The following MACROD2 variants were observed in gnomAD, a reference collection of about 807,000 sequenced individuals.
MACROD2 encodes ADP-ribose glycohydrolase MACROD2.
Under a neutral mutation model 70.4 loss-of-function variants are expected in MACROD2, and 36 were observed. The observed-to-expected ratio is 0.51, with a 90% CI of 0.39 to 0.68. The LOEUF is 0.68. Among genes scored for constraint, MACROD2 ranks in the 30% least tolerant of loss-of-function variants. The pLI is 0.00. For missense variants in MACROD2, 496 were observed against 538.4 expected (o/e 0.92, Z 0.78); for synonymous variants, 172 against 178.8 (o/e 0.96, Z 0.30).
At chr20:14,743,609 G>C (rs2123723564) in intron 5 of MACROD2, among the ~76,000 whole-genome samples, 1 of 152,284 alleles carries the variant, frequency 6.6e-6, no homozygotes, top group South Asian at 2.1e-4. Flanking sequence ...ATGTCATACA[G>C]AACACCAAAA....
intron 4 of MACROD2, among the ~76,000 whole-genome samples, chr20:14,557,108 G>A (rs899393992): frequency 6.6e-6 from 1 of 151,932 alleles, no homozygotes; most frequent in Non-Finnish European, 1.5e-5. Context: ...AGAGTGCCAA[G>A]ACAATTCAAT....
At chr20:15,782,295 A>G (rs879640541) in intron 8 of MACROD2, among the ~76,000 whole-genome samples, 1 of 152,144 alleles carries the variant, frequency 6.6e-6, no homozygotes, top group Non-Finnish European at 1.5e-5. Context: ...TCCATTGTAA[A>G]GCTTGGTTGC....
At chr20:15,293,882 C>T (rs749909669) in intron 6 of MACROD2, among the ~76,000 whole-genome samples, 15 of 152,096 alleles carry the variant, frequency 9.9e-5, no homozygotes, top group Non-Finnish European at 1.6e-4. Flanking sequence ...CTTTGGGAGG[C>T]CGAGGCAGAT....
chr20:15,860,409 T>C (rs1040026191), intron 8 of MACROD2, among the ~76,000 whole-genome samples: 1 of 152,142 alleles, frequency 6.6e-6, no homozygotes. Context: ...TTTAGAAATA[T>C]TCTGATCACG....
At position 14,160,761 on chromosome 20, in the gene MACROD2, C is replaced by T. The variant is rs555713152; in HGVS notation, c.271+75033C>T. ...ATTATTTTTTCTTCTCCTAATTTTG[C>T]GTTTGTTTTTTCCTGCTTTTTTAGT... On this transcript the variant is annotated intron_variant, in intron 3 of 17. Coordinates refer to ENST00000684519, the MANE Select transcript of MACROD2 (RefSeq NM_001351661.2). 7.9e-5 allele frequency among the ~76,000 whole-genome samples: 12 copies of T among 151,906 alleles called. No homozygotes were observed. The South Asian group carries it at 1.7e-3, about 21-fold the overall frequency.
intron 8 of MACROD2, among the ~76,000 whole-genome samples, chr20:15,765,938 A>G (rs1045402284): frequency 6.6e-6 from 1 of 152,232 alleles, no homozygotes; most frequent in African/African-American, 2.4e-5. Context: ...TCATGGAAGC[A>G]ATAAAATATT....
chr20:14,501,613 A>G (rs966579461), intron 4 of MACROD2, among the ~76,000 whole-genome samples: 1 of 152,052 alleles, frequency 6.6e-6, no homozygotes, highest in African/African-American at 2.4e-5. Context: ...ATTGGTATGT[A>G]TTATTTATAT....
intron 8 of MACROD2, among the ~76,000 whole-genome samples, chr20:15,715,697 ACT>A (rs1221311161): frequency 1.3e-5 from 2 of 152,108 alleles, no homozygotes; most frequent in African/African-American, 2.4e-5. Context: ...ATTTAGGGAC[ACT>A]CTGCTAATTT....
intron 3 of MACROD2, among the ~76,000 whole-genome samples, chr20:14,390,821 TAG>T (rs1388332938): frequency 6.6e-6 from 1 of 151,960 alleles, no homozygotes; most frequent in Non-Finnish European, 1.5e-5. Flanking sequence ...AGGACAGGAA[TAG>T]ACACTTTTCA....
At chr20:14,598,960 A>G (rs1456955999) in intron 4 of MACROD2, among the ~76,000 whole-genome samples, 1 of 152,146 alleles carries the variant, frequency 6.6e-6, no homozygotes, top group African/African-American at 2.4e-5. Context: ...AGATTTGGAT[A>G]TTGGCTATAT....
At chr20:15,423,765 C>T (rs1403241798) in intron 6 of MACROD2, among the ~76,000 whole-genome samples, 4 of 152,074 alleles carry the variant, frequency 2.6e-5, no homozygotes, top group South Asian at 2.1e-4. Context: ...TAGGTTTCAG[C>T]GTATGGATTT....
intron 8 of MACROD2, among the ~76,000 whole-genome samples, chr20:15,628,547 C>T (rs1244550066): frequency 6.6e-6 from 1 of 152,210 alleles, no homozygotes; most frequent in Non-Finnish European, 1.5e-5. Flanking sequence ...AATAGACTAC[C>T]CAAGACCTAG....
chr20:14,466,705 G>T (rs959019605), intron 3 of MACROD2, among the ~76,000 whole-genome samples: 3 of 152,024 alleles, frequency 2.0e-5, no homozygotes, highest in Non-Finnish European at 4.4e-5. Context: ...TGTACAGATG[G>T]GTTTTTGGTG....
intron 6 of MACROD2, among the ~76,000 whole-genome samples, chr20:15,316,534 C>T (rs1484362251): frequency 1.3e-5 from 2 of 151,940 alleles, no homozygotes; most frequent in Non-Finnish European, 2.9e-5. Flanking sequence ...ACAACAGAGC[C>T]AAAAGATATG....
intron 6 of MACROD2, among the ~76,000 whole-genome samples, chr20:15,366,194 TGAG>T (rs2045406705): frequency 1.3e-5 from 2 of 152,200 alleles, no homozygotes; most frequent in African/African-American, 4.8e-5. Context: ...GTGTATCCAG[TGAG>T]GTCTTGTTTA....
At chr20:15,981,040 G>A (rs184051680) in intron 13 of MACROD2, among the ~76,000 whole-genome samples, 65 of 152,266 alleles carry the variant, frequency 4.3e-4, no homozygotes, top group Admixed American at 1.3e-3. Context: ...GCTATGCTTC[G>A]TTTTCCGCAG....
At chr20:14,718,232 G>A (rs965629986) in intron 5 of MACROD2, among the ~76,000 whole-genome samples, 5 of 136,262 alleles carry the variant, frequency 3.7e-5, no homozygotes, top group African/African-American at 1.4e-4. Flanking sequence ...GGCGGAGGTT[G>A]TGGTGAGCTG....
chr20:14,136,745 C>T (rs1365233246), intron 3 of MACROD2, among the ~76,000 whole-genome samples: 1 of 152,128 alleles, frequency 6.6e-6, no homozygotes, highest in Non-Finnish European at 1.5e-5. Flanking sequence ...ATGTACTAGG[C>T]ACATAATTAA....
At chr20:15,468,909 G>A (rs1274199812) in intron 7 of MACROD2, among the ~76,000 whole-genome samples, 1 of 152,186 alleles carries the variant, frequency 6.6e-6, no homozygotes, top group Admixed American at 6.5e-5. Context: ...CCCAAAGGAT[G>A]AACCCATAAT....
Sources: allele counts gnomAD v4.1 joint callset (sites outside exome capture counted in the v4.1 genomes callset), GRCh38; gene constraint gnomAD v4.1.1; transcripts MANE v1.5; gene names NCBI Gene and HGNC (gene_info 2026-07-23, HGNC 2026-07-21).